Variants in PIKFYVE observed in about 807,000 individuals in gnomAD.
PIKFYVE encodes the protein 1-phosphatidylinositol 3-phosphate 5-kinase.
A neutral mutation model predicts 257.9 loss-of-function variants in PIKFYVE; 122 were observed. That is an observed-to-expected ratio of 0.47 (90% confidence interval 0.41 to 0.55). PIKFYVE has a LOEUF of 0.55. PIKFYVE is among the 20% of genes least tolerant of loss of function. The probability of loss-of-function intolerance (pLI) is 0.00; values close to 1 mark genes in which losing one functional copy is unlikely to be tolerated. For synonymous variants in PIKFYVE, 892 were observed against 868.9 expected (o/e 1.03, Z -0.47); for missense variants, 2,160 against 2,536.6 (o/e 0.85, Z 3.19).
intron 27 of PIKFYVE, 146 bp downstream of exon 27, chr2:208,336,346 T>C: frequency 2.2e-6 from 2 of 918,734 alleles, no homozygotes; most frequent in South Asian, 1.6e-5. Context: ...TCTCCTTTCC[T>C]CTTTATATTT....
chr2:208,321,093 G>A (rs1031833326), intron 17 of PIKFYVE, among the ~76,000 whole-genome samples: 2 of 152,066 alleles, frequency 1.3e-5, no homozygotes, highest in African/African-American at 4.8e-5. Flanking sequence ...TCCTCTTAAG[G>A]TACCAATTAT....
chr2:208,311,904 G>T (rs1002375745), intron 12 of PIKFYVE, among the ~76,000 whole-genome samples: 2 of 152,196 alleles, frequency 1.3e-5, no homozygotes, highest in Non-Finnish European at 1.5e-5. Context: ...TTTTAGGATG[G>T]TCGTACAAGT....
intron 16 of PIKFYVE, among the ~76,000 whole-genome samples, chr2:208,318,568 A>G (rs963244870): frequency 2.0e-5 from 3 of 152,168 alleles, no homozygotes; most frequent in African/African-American, 7.2e-5. Context: ...TCACATGTGG[A>G]CCTTTTAAAA....
At chr2:208,334,373 G>A (rs574682002) in intron 24 of PIKFYVE, 10 of 152,800 alleles carry the variant, frequency 6.5e-5, no homozygotes, top group African/African-American at 2.4e-4. Flanking sequence ...GAAAGCCAAA[G>A]TCCATTTACT....
intron 12 of PIKFYVE, among the ~76,000 whole-genome samples, chr2:208,308,153 A>C (rs538910363): frequency 3.9e-4 from 59 of 152,154 alleles, no homozygotes; most frequent in African/African-American, 1.4e-3. Context: ...AATCCCAGCA[A>C]GTTGGGTGGC....
At chr2:208,311,682 A>G (rs978684797) in intron 12 of PIKFYVE, among the ~76,000 whole-genome samples, 7 of 152,316 alleles carry the variant, frequency 4.6e-5, no homozygotes, top group African/African-American at 1.4e-4. Flanking sequence ...GAAAAACAAA[A>G]ACACTTATTT....
At position 208,323,196 on chromosome 2, in the gene PIKFYVE, G is replaced by A. The variant is rs1015723280; in HGVS notation, c.2191-946G>A. 6.6e-4 allele frequency among the ~76,000 whole-genome samples: 99 copies of A among 150,212 alleles called. 1 individual carries two copies. Among genetic ancestry groups the A allele is most frequent in the Middle Eastern group, 3.4e-3 (1 of 292 alleles). On this transcript the variant is annotated intron_variant, in intron 17 of 41. Coordinates refer to ENST00000264380, the MANE Select transcript of PIKFYVE (RefSeq NM_015040.4). Reference sequence around the variant, plus strand: ...ACATATGTATACATGTGCCGTGCTGGTGTGCTGTACCCATTAACTCGTCAT... The same window carrying A: ...ACATATGTATACATGTGCCGTGCTGATGTGCTGTACCCATTAACTCGTCAT...
chr2:208,336,817 A>G, intron 27 of PIKFYVE, 21 bp from the exon 28 acceptor site: 1 of 1,522,722 alleles, frequency 6.6e-7, no homozygotes. Context: ...ATATATATAT[A>G]TTTTTTGCTT....
chr2:208,296,627 G>A (rs1680613825), intron 7 of PIKFYVE, among the ~76,000 whole-genome samples: 1 of 152,068 alleles, frequency 6.6e-6, no homozygotes, highest in South Asian at 2.1e-4. Context: ...ATCATCAAGA[G>A]AATGAGTGTG....
chr2:208,335,977 T>C (rs940559187), intron 26 of PIKFYVE, 69 bp from the exon 27 acceptor site: 1 of 1,594,726 alleles, frequency 6.3e-7, no homozygotes, highest in Non-Finnish European at 8.6e-7. Context: ...CAAAAATTAA[T>C]AATAGCAGTT....
At chr2:208,302,047 C>T (rs915034359) in intron 9 of PIKFYVE, among the ~76,000 whole-genome samples, 195 bp from the exon 10 acceptor site, 1 of 152,118 alleles carries the variant, frequency 6.6e-6, no homozygotes, top group Non-Finnish European at 1.5e-5. Context: ...AGTTTCTTCT[C>T]CTTTACTATA....
At chr2:208,286,618 C>G (rs1691606890) in intron 6 of PIKFYVE, among the ~76,000 whole-genome samples, 2 of 151,912 alleles carry the variant, frequency 1.3e-5, no homozygotes, top group African/African-American at 4.8e-5. Flanking sequence ...CTCAGGGCAG[C>G]CTCGAATCCC....
chr2:208,299,228 C>G (rs998753285), intron 8 of PIKFYVE, among the ~76,000 whole-genome samples: 2 of 152,106 alleles, frequency 1.3e-5, no homozygotes, highest in African/African-American at 4.8e-5. Context: ...CTAGGATCAC[C>G]TGAGAGATGG....
At chr2:208,280,715 C>T (rs527274706) in intron 5 of PIKFYVE, among the ~76,000 whole-genome samples, 3 of 152,276 alleles carry the variant, frequency 2.0e-5, no homozygotes, top group South Asian at 2.1e-4. Flanking sequence ...AGTGAAGGAT[C>T]GTATGACTCT....
chr2:208,316,436 C>A (rs956538686), intron 15 of PIKFYVE, among the ~76,000 whole-genome samples: 2 of 151,758 alleles, frequency 1.3e-5, no homozygotes, highest in African/African-American at 4.8e-5. Context: ...GTTCTAGATC[C>A]CTGAGGAATC....
chr2:208,333,184 A>G lies in PIKFYVE; in HGVS notation c.3964-131A>G. On this transcript the variant is annotated intron_variant, in intron 23 of 41. Coordinates refer to ENST00000264380, the MANE Select transcript of PIKFYVE (RefSeq NM_015040.4). ...GAGAGGCGGAGCTTGCAGTGAGCTG[A>G]GATCGAGCCACTGCACTCCAGCCTG... 4.7e-6 allele frequency: 4 copies of G among 847,288 alleles called. 1 individual carries two copies. In the South Asian group the frequency reaches 7.0e-5, roughly 15 times the overall value. The allele number at this position is 847,288 out of a possible 1,614,324, so 52.5% of individuals were successfully genotyped here.
chr2:208,270,204 G>A (rs940708127), intron 1 of PIKFYVE, among the ~76,000 whole-genome samples: 1 of 151,966 alleles, frequency 6.6e-6, no homozygotes, highest in African/African-American at 2.4e-5. Context: ...ACCATGTCCA[G>A]CTAATTTTTG....
chr2:208,351,239 A>G (rs1471651329), intron 37 of PIKFYVE, 113 bp from the exon 38 acceptor site: 2 of 981,982 alleles, frequency 2.0e-6, no homozygotes, highest in Admixed American at 4.0e-5. Context: ...GACATTAGAA[A>G]ATTCCCCTTA....
At chr2:208,323,600 A>G (rs1046450216) in intron 17 of PIKFYVE, among the ~76,000 whole-genome samples, 1 of 152,110 alleles carries the variant, frequency 6.6e-6, no homozygotes, top group Non-Finnish European at 1.5e-5. Context: ...TAGCAGCATG[A>G]TTTATAATCC....
Sources: gnomAD v4.1 joint callset for allele counts (sites outside exome capture counted in the v4.1 genomes callset) on GRCh38, gnomAD v4.1.1 for gene constraint, MANE v1.5 for transcripts, NCBI Gene and HGNC (gene_info 2026-07-23, HGNC 2026-07-21) for gene names.